The following SERPINB7 variants were observed in gnomAD, a reference collection of about 807,000 sequenced individuals.
SERPINB7 encodes serpin family B member 7.
Under a neutral mutation model 37.4 loss-of-function variants are expected in SERPINB7, and 31 were observed. That is an observed-to-expected ratio of 0.83 (90% CI 0.62 to 1.12). The LOEUF (loss-of-function observed/expected upper bound fraction) is 1.12, where lower values mean the gene tolerates loss of function less well. SERPINB7 is among the 50% of genes most tolerant of loss of function. The probability of loss-of-function intolerance (pLI) is 0.00; values close to 1 mark genes in which losing one functional copy is unlikely to be tolerated. For missense variants in SERPINB7, 521 were observed against 455.3 expected, an observed-to-expected ratio of 1.14 and a Z score of -1.31; for synonymous variants, 163 against 166.1, an observed-to-expected ratio of 0.98 and a Z score of 0.14.
chr18:63,799,054 A>T (rs953020324), intron 6 of SERPINB7, among the ~76,000 whole-genome samples: 2 of 152,210 alleles, frequency 1.3e-5, no homozygotes, highest in African/African-American at 4.8e-5. Context: ...AATATATGAC[A>T]AAAGTGTATT....
intron 5 of SERPINB7, 124 bp from the exon 6 acceptor site, chr18:63,798,480 T>G: frequency 1.4e-6 from 1 of 705,034 alleles, no homozygotes; most frequent in Non-Finnish European, 2.3e-6. Context: ...TAGGTTATTC[T>G]TAATATTCTT....
chr18:63,758,744 C>T (rs1280791850), intron 1 of SERPINB7, among the ~76,000 whole-genome samples: 1 of 152,134 alleles, frequency 6.6e-6, no homozygotes, highest in Non-Finnish European at 1.5e-5. Context: ...ATGGTCCCAC[C>T]TCCTTCTAGC....
intron 1 of SERPINB7, among the ~76,000 whole-genome samples, chr18:63,754,304 T>C (rs1259013723): frequency 6.6e-6 from 1 of 152,200 alleles, no homozygotes; most frequent in African/African-American, 2.4e-5. Context: ...CAAGGGAATA[T>C]GTAGTTTCAT....
At chr18:63,770,867 G>A (rs1050336692), upstream of SERPINB7, among the ~76,000 whole-genome samples, 16 of 54,322 alleles carry the variant, frequency 2.9e-4, no homozygotes, top group South Asian at 0.013. Context: ...TTTCCAGTCT[G>A]CACATGCACA....
At chr18:63,766,696 G>T (rs8091131) in intron 1 of SERPINB7, among the ~76,000 whole-genome samples, 4,719 of 152,084 alleles carry the variant, frequency 0.031, 121 homozygotes, top group African/African-American at 0.066. Context: ...GATGACTTAT[G>T]ATCTCCCAAC....
At chr18:63,797,304 T>A (rs540562112) in intron 5 of SERPINB7, among the ~76,000 whole-genome samples, 1 of 152,342 alleles carries the variant, frequency 6.6e-6, no homozygotes, top group Admixed American at 6.5e-5. Context: ...GTCCTGGGAC[T>A]AAGAATGCAG....
intron 5 of SERPINB7, 46 bp from the exon 6 acceptor site, chr18:63,798,558 A>G: frequency 7.0e-7 from 1 of 1,437,838 alleles, no homozygotes; most frequent in East Asian, 2.5e-5. Context: ...TCATTTTTAA[A>G]ATTATATTAA....
intron 1 of SERPINB7, among the ~76,000 whole-genome samples, chr18:63,763,161 G>C (rs553708290): frequency 6.6e-6 from 1 of 152,218 alleles, no homozygotes; most frequent in South Asian, 2.1e-4. Flanking sequence ...ATGAGCCTCT[G>C]CTTTTCGTAA....
chr18:63,782,934 C>T lies in SERPINB7; in HGVS notation c.168+394C>T, dbSNP rs540829579. Among the ~76,000 whole-genome samples the T allele has an allele frequency of 4.0e-5, 6 of 151,678 alleles. No homozygotes were observed. In the East Asian group the frequency reaches 1.2e-3, roughly 30 times the overall value. On this transcript the variant is annotated intron_variant, in intron 2 of 7. Transcript: ENST00000398019. ...CGGGCGGATCACGAGGTCAGGAGAT[C>T]GAGACCATCCTGGCTAACACGGTGA...
intron 1 of SERPINB7, among the ~76,000 whole-genome samples, chr18:63,756,408 G>A (rs1161027696): frequency 1.3e-5 from 2 of 152,176 alleles, no homozygotes; most frequent in African/African-American, 4.8e-5. Flanking sequence ...TTCTGTCCAT[G>A]GAACACGGAA....
intron 2 of SERPINB7, 128 bp downstream of exon 2, chr18:63,782,668 C>A: frequency 1.2e-6 from 1 of 827,800 alleles, no homozygotes; most frequent in East Asian, 2.6e-5. Flanking sequence ...TCACACATCT[C>A]CACGAGGCCC....
chr18:63,768,255 G>A (rs1213052802), intron 1 of SERPINB7, among the ~76,000 whole-genome samples: 1 of 144,996 alleles, frequency 6.9e-6, no homozygotes, highest in South Asian at 2.3e-4. Context: ...ATTGGTTTGA[G>A]ACTGTTCTTC....
intron 1 of SERPINB7, among the ~76,000 whole-genome samples, chr18:63,759,440 G>GT (rs146139992): frequency 6.6e-6 from 1 of 152,080 alleles, no homozygotes; most frequent in African/African-American, 2.4e-5. Flanking sequence ...GCATATGTAG[G>GT]TTTTTTTCCT....
At chr18:63,756,062 CAATAT>C (rs974105483) in intron 1 of SERPINB7, among the ~76,000 whole-genome samples, 8 of 148,370 alleles carry the variant, frequency 5.4e-5, no homozygotes, top group African/African-American at 2.0e-4. Context: ...CAGCATAATA[CAATAT>C]AATATAAATA....
upstream of SERPINB7, among the ~76,000 whole-genome samples, chr18:63,773,106 C>T (rs1047697708): frequency 6.6e-6 from 1 of 151,986 alleles, no homozygotes; most frequent in African/African-American, 2.4e-5. Flanking sequence ...ACAAAGAATA[C>T]ATCAAGAAGT....
chr18:63,754,909 T>TA, intron 1 of SERPINB7, among the ~76,000 whole-genome samples: 1 of 118,184 alleles, frequency 8.5e-6, no homozygotes, highest in Non-Finnish European at 1.6e-5. Context: ...TTTTTTTTTT[T>TA]TGAGACGGAG....
At chr18:63,756,452 T>C (rs1443147298) in intron 1 of SERPINB7, among the ~76,000 whole-genome samples, 1 of 152,190 alleles carries the variant, frequency 6.6e-6, no homozygotes, top group Non-Finnish European at 1.5e-5. Context: ...TCCAGACTCA[T>C]GTGCAGGACT....
At chr18:63,794,582 C>T (rs1434010647) in intron 4 of SERPINB7, among the ~76,000 whole-genome samples, 1 of 151,912 alleles carries the variant, frequency 6.6e-6, no homozygotes, top group Admixed American at 6.6e-5. Flanking sequence ...CCCAGCTACT[C>T]GGGAGGCTGA....
In SERPINB7 at chr18:63,804,576, C is replaced by T; in HGVS notation, c.1084C>T (p.Leu362=). The change falls in exon 8 of 8, where the codon CTA becomes TTA. Residue 362 remains leucine, a synonymous_variant. Transcript: ENST00000398019. ...GCTGTTTAGAGCTGACCACCCATTC[C>T]TATTTGTTATCAGGAAGGATGACAT... ...STLFRADHPF[L]FVIRKDDIIL... is the part of the protein sequence containing the mutation. 2 of 1,613,242 alleles carry T rather than the reference C, an allele frequency of 1.2e-6. No homozygotes were observed. Among genetic ancestry groups the T allele is most frequent in the Non-Finnish European group, 1.7e-6 (2 of 1,179,668 alleles).
Sources: gnomAD v4.1 joint callset for allele counts (sites outside exome capture counted in the v4.1 genomes callset) on GRCh38, gnomAD v4.1.1 for gene constraint, MANE v1.5 for transcripts, NCBI Gene and HGNC (gene_info 2026-07-23, HGNC 2026-07-21) for gene names.